MAP2K4: variants seen among roughly 807,000 people sequenced by gnomAD.
The protein encoded by MAP2K4 is mitogen-activated protein kinase kinase 4, also known as dual specificity mitogen-activated protein kinase kinase 4.
A neutral mutation model predicts 48.5 loss-of-function variants in MAP2K4; 4 were observed. That is an observed-to-expected ratio of 0.08 (90% CI 0.04 to 0.19). The LOEUF (loss-of-function observed/expected upper bound fraction) is 0.19, where lower values mean the gene tolerates loss of function less well. MAP2K4 is among the 10% of genes least tolerant of loss of function. The probability of loss-of-function intolerance (pLI) is 1.00; values close to 1 mark genes in which losing one functional copy is unlikely to be tolerated. For synonymous variants in MAP2K4, 166 were observed against 173.1 expected (o/e 0.96, Z 0.32); for missense variants, 258 against 493.3 (o/e 0.52, Z 4.52).
At chr17:12,041,429 A>G (rs1969777306) in intron 1 of MAP2K4, among the ~76,000 whole-genome samples, 2 of 152,220 alleles carry the variant, frequency 1.3e-5, no homozygotes, top group South Asian at 4.1e-4. Context: ...ATGATTATAT[A>G]GTGAAATGCA....
intron 4 of MAP2K4, among the ~76,000 whole-genome samples, chr17:12,101,394 G>C (rs1971930978): frequency 6.6e-6 from 1 of 151,882 alleles, no homozygotes; most frequent in Non-Finnish European, 1.5e-5. Flanking sequence ...ACATGGTCTT[G>C]GACTACTCCA....
intron 5 of MAP2K4, among the ~76,000 whole-genome samples, chr17:12,108,767 T>C (rs988764410): frequency 6.6e-6 from 1 of 151,980 alleles, no homozygotes; most frequent in Non-Finnish European, 1.5e-5. Flanking sequence ...CCAATGTAGT[T>C]CACCAAGATA....
At chr17:12,101,828 C>T (rs1373498442) in intron 4 of MAP2K4, among the ~76,000 whole-genome samples, 1 of 152,044 alleles carries the variant, frequency 6.6e-6, no homozygotes, top group Non-Finnish European at 1.5e-5. Flanking sequence ...TGACTAAATG[C>T]ACAAATATCA....
At chr17:12,065,308 T>C (rs1387689439) in intron 2 of MAP2K4, among the ~76,000 whole-genome samples, 2 of 137,572 alleles carry the variant, frequency 1.5e-5, no homozygotes, top group African/African-American at 5.2e-5. Flanking sequence ...TTGTTGTTTT[T>C]TTTTTTTTGA....
At chr17:12,124,642 A>G (rs1972795231) in intron 7 of MAP2K4, 1 of 151,732 alleles carries the variant, frequency 6.6e-6, no homozygotes. Flanking sequence ...CGTTGCCCCA[A>G]ATTTGACCTA....
rs755690970 is a variant in MAP2K4 at position 12,081,993 on chromosome 17, G to A, written c.393+463G>A. 5.7e-6 allele frequency: 3 copies of A among 529,376 alleles called. No homozygotes were observed. The highest frequency in any genetic ancestry group is 2.0e-5 in the Admixed American group (1 of 51,022). The allele number at this position is 529,376 out of a possible 1,614,324, so 32.8% of individuals were successfully genotyped here. A position where few individuals can be genotyped will look rare whatever the true frequency, so the allele number is the denominator to read the frequency against. On this transcript the variant is annotated intron_variant, in intron 3 of 10. Coordinates refer to ENST00000353533, the MANE Select transcript of MAP2K4 (RefSeq NM_003010.4). This position sits in a 1 kb window ranked among gnomAD's most constrained non-coding sequence, Gnocchi z 4.2. ...GTTGCCACTAACCTCAACCTTACTCGGTCCTGACCGGCTCGGCTTCTGTTT... is the reference window on the plus strand; with the variant it reads ...GTTGCCACTAACCTCAACCTTACTCAGTCCTGACCGGCTCGGCTTCTGTTT...
chr17:12,038,672 C>T (rs1214902280), intron 1 of MAP2K4, among the ~76,000 whole-genome samples: 1 of 152,114 alleles, frequency 6.6e-6, no homozygotes, highest in African/African-American at 2.4e-5. Flanking sequence ...TAATGTGTGT[C>T]AAATCCTGCT....
chr17:12,065,268 T>G (rs1269806316), intron 2 of MAP2K4, among the ~76,000 whole-genome samples: 3 of 143,108 alleles, frequency 2.1e-5, no homozygotes, highest in Non-Finnish European at 3.0e-5. Context: ...ATATTATTAT[T>G]ATTATTATTA....
At chr17:12,082,155 T>A (rs1261115444) in intron 3 of MAP2K4, among the ~76,000 whole-genome samples, 3 of 151,308 alleles carry the variant, frequency 2.0e-5, no homozygotes, top group South Asian at 2.1e-4. Flanking sequence ...AAAAAAAAAA[T>A]GGCCAGAAAC....
At chr17:12,076,993 A>C (rs1971033668) in intron 2 of MAP2K4, among the ~76,000 whole-genome samples, 1 of 152,208 alleles carries the variant, frequency 6.6e-6, no homozygotes, top group African/African-American at 2.4e-5. Context: ...GGAATGACAC[A>C]TGAAGGATGA....
chr17:12,137,640 C>CA (rs1973247252), intron 9 of MAP2K4, among the ~76,000 whole-genome samples: 1 of 151,924 alleles, frequency 6.6e-6, no homozygotes, highest in African/African-American at 2.4e-5. Flanking sequence ...TTCTAAGATG[C>CA]ATGTAATGGA....
chr17:12,105,601 A>G (rs1042241365), intron 4 of MAP2K4, among the ~76,000 whole-genome samples: 2 of 152,014 alleles, frequency 1.3e-5, no homozygotes, highest in Admixed American at 1.3e-4. Flanking sequence ...ACCTGTGGTC[A>G]TCCTGTTTTC....
At chr17:12,055,036 T>A in intron 2 of MAP2K4, 45 bp downstream of exon 2, 1 of 1,224,758 alleles carries the variant, frequency 8.2e-7, no homozygotes, top group Non-Finnish European at 1.2e-6. Context: ...GCAAAGATTT[T>A]AAAGTTACTG....
intron 1 of MAP2K4, among the ~76,000 whole-genome samples, chr17:12,032,699 C>A (rs1969477358): frequency 6.6e-6 from 1 of 152,142 alleles, no homozygotes; most frequent in Admixed American, 6.6e-5. Context: ...ATAAACCATA[C>A]ATTGAATATA....
intron 2 of MAP2K4, among the ~76,000 whole-genome samples, chr17:12,060,788 G>A (rs937666815): frequency 2.0e-5 from 3 of 151,844 alleles, no homozygotes; most frequent in East Asian, 3.9e-4. Context: ...CTACTGCTGC[G>A]AATCTTTTTT....
rs146249786 is a variant in MAP2K4 at position 12,090,743 on chromosome 17, CATA to C, written c.394-4828_394-4826del. On this transcript the variant is annotated intron_variant, in intron 3 of 10. Coordinates refer to ENST00000353533, the MANE Select transcript of MAP2K4 (RefSeq NM_003010.4). Reference sequence around the variant, plus strand: ...AGTCACCATTATGATGGGATTGAGGCATAATATCTGAGTAAGAAGGGAATAAAT... The same window carrying C: ...AGTCACCATTATGATGGGATTGAGGCATATCTGAGTAAGAAGGGAATAAAT... Among the ~76,000 whole-genome samples the C allele has an allele frequency of 7.5e-3, 1,136 of 152,280 alleles. 11 individuals carry two copies. The highest frequency in any genetic ancestry group is 0.025 in the African/African-American group (1,018 of 41,548).
intron 2 of MAP2K4, among the ~76,000 whole-genome samples, chr17:12,062,058 C>T (rs940274333): frequency 2.1e-4 from 30 of 143,334 alleles, no homozygotes; most frequent in Admixed American, 8.2e-4. Flanking sequence ...TTCTCCCCCT[C>T]TCCCCCCCCT....
chr17:12,135,840 G>T (rs1000356068), intron 9 of MAP2K4, among the ~76,000 whole-genome samples: 1 of 152,138 alleles, frequency 6.6e-6, no homozygotes, highest in African/African-American at 2.4e-5. Context: ...GTGAACCATC[G>T]TGCCCCACCT....
intron 1 of MAP2K4, among the ~76,000 whole-genome samples, chr17:12,030,012 G>C (rs547799842): frequency 7.2e-5 from 11 of 152,108 alleles, no homozygotes; most frequent in African/African-American, 2.7e-4. Context: ...GTAAAGTTGA[G>C]GATATTGGAA....
Sources: gnomAD v4.1 joint callset for allele counts (sites outside exome capture counted in the v4.1 genomes callset) on GRCh38, gnomAD v4.1.1 for gene constraint, Gnocchi (gnomAD v3.1) non-coding constraint, MANE v1.5 for transcripts, NCBI Gene and HGNC (gene_info 2026-07-23, HGNC 2026-07-21) for gene names.